Variants in CFAP20DC observed in about 807,000 individuals in gnomAD.
The protein encoded by CFAP20DC is protein CFAP20DC.
Under a neutral mutation model 101.7 loss-of-function variants are expected in CFAP20DC, and 84 were observed. The ratio of observed to expected loss-of-function variants is 0.83; its 90% confidence interval spans 0.69 to 0.99. The LOEUF is 0.99. CFAP20DC is among the 50% of genes least tolerant of loss of function. CFAP20DC has a pLI of 0.00. For synonymous variants in CFAP20DC, 359 were observed against 351.2 expected, an observed-to-expected ratio of 1.02 and a Z score of -0.25; for missense variants, 1,007 against 970.3, an observed-to-expected ratio of 1.04 and a Z score of -0.50.
At chr3:58,910,226 A>C (rs1026105863) in intron 6 of CFAP20DC, among the ~76,000 whole-genome samples, 4 of 151,822 alleles carry the variant, frequency 2.6e-5, no homozygotes, top group Non-Finnish European at 5.9e-5. Flanking sequence ...CCTGGATGAA[A>C]TTTTCTGTTT....
intron 4 of CFAP20DC, among the ~76,000 whole-genome samples, chr3:59,038,315 A>C (rs960173452): frequency 1.3e-5 from 2 of 152,256 alleles, no homozygotes; most frequent in South Asian, 4.2e-4. Flanking sequence ...AAAAAGAAGA[A>C]TGTGAAGAAA....
intron 16 of CFAP20DC, among the ~76,000 whole-genome samples, chr3:58,747,556 G>T (rs747169191): frequency 6.6e-6 from 1 of 152,050 alleles, no homozygotes; most frequent in Admixed American, 6.6e-5. Flanking sequence ...TGACACTGCC[G>T]TCTACATTTT....
intron 15 of CFAP20DC, among the ~76,000 whole-genome samples, chr3:58,769,632 A>G (rs1028974490): frequency 3.3e-5 from 5 of 152,000 alleles, no homozygotes; most frequent in Non-Finnish European, 7.4e-5. Flanking sequence ...GAATAACAGG[A>G]GCTGAAAAGG....
intron 14 of CFAP20DC, among the ~76,000 whole-genome samples, chr3:58,817,686 G>T (rs1236861361): frequency 2.0e-5 from 3 of 149,022 alleles, no homozygotes; most frequent in Non-Finnish European, 4.5e-5. Context: ...AAAGTGATGG[G>T]GAGAATGGAA....
chr3:58,822,393 C>T (rs1175379312), intron 14 of CFAP20DC, among the ~76,000 whole-genome samples: 2 of 148,178 alleles, frequency 1.3e-5, no homozygotes, highest in Admixed American at 6.8e-5. Flanking sequence ...ACAATGAGAT[C>T]ACATGGACAC....
intron 14 of CFAP20DC, among the ~76,000 whole-genome samples, chr3:58,813,640 T>C (rs769401081): frequency 6.6e-6 from 1 of 151,900 alleles, no homozygotes; most frequent in South Asian, 2.1e-4. Context: ...ATGATGTAGG[T>C]GATGGGAATT....
At chr3:58,974,130 G>T (rs1023498068) in intron 4 of CFAP20DC, among the ~76,000 whole-genome samples, 1 of 152,138 alleles carries the variant, frequency 6.6e-6, no homozygotes, top group African/African-American at 2.4e-5. Flanking sequence ...TGTTTTGGGG[G>T]TACATGTGAA....
downstream of CFAP20DC, chr3:58,737,268 C>T (rs770295222): frequency 1.0e-4 from 47 of 456,100 alleles, no homozygotes; most frequent in Non-Finnish European, 1.9e-4. The surrounding 1 kb of genome is among the most constrained non-coding windows in gnomAD (Gnocchi z 4.1). Context: ...ACACAAAATT[C>T]CACTAACCAC....
rs990641232 is a variant in CFAP20DC at position 58,806,416 on chromosome 3, G to C, written c.2216C>G (p.Pro739Arg). 2.5e-6 allele frequency: 4 copies of C among 1,609,048 alleles called. No individual in the cohort carries two copies. In the Admixed American group the frequency reaches 6.7e-5, roughly 27 times the overall value. Residue 739 changes from proline (P) to arginine (R), a missense_variant, in exon 15 of 17, where the codon CCA becomes CGA. Physicochemically the swap from Pro to Arg is moderately radical, Grantham distance 103. Coordinates refer to ENST00000482387, the MANE Select transcript of CFAP20DC (RefSeq NM_001394063.1). ...TTACCGGGGATTAGAAGGAGAAGGTGGGTTCATTTCTTTCTGATAGTGGCG... is the reference window on the plus strand; with the variant it reads ...TTACCGGGGATTAGAAGGAGAAGGTCGGTTCATTTCTTTCTGATAGTGGCG... The part of the protein sequence containing the change: ...QGRHYQKEMN[P>R]PSPSNPRDWL...
chr3:58,774,023 A>T (rs2071094519), intron 15 of CFAP20DC, among the ~76,000 whole-genome samples: 1 of 151,916 alleles, frequency 6.6e-6, no homozygotes, highest in Non-Finnish European at 1.5e-5. Flanking sequence ...TGGAGGATAA[A>T]AGGTCTAAAC....
Position 58,863,900 on chromosome 3 carries a change from T to C in CFAP20DC, c.1259-8A>G, listed in dbSNP as rs765796909. On this transcript the variant is annotated splice_region_variant and splice_polypyrimidine_tract_variant and intron_variant, in intron 11 of 16. Transcript: ENST00000482387. This position sits in a 1 kb window ranked among gnomAD's most constrained non-coding sequence, Gnocchi z 5.9. ...CAGGAAAAATCCACTCATCTGACAG[T>C]TGGAAAAGATGACAAAAATTAGAGC... 1 of 1,592,430 alleles carries C rather than the reference T, an allele frequency of 6.3e-7. No homozygotes were observed. Among genetic ancestry groups the C allele is most frequent in the South Asian group, 1.1e-5 (1 of 87,852 alleles).
chr3:58,851,237 G>A (rs758018545), intron 12 of CFAP20DC, among the ~76,000 whole-genome samples: 8 of 152,144 alleles, frequency 5.3e-5, no homozygotes, highest in Admixed American at 2.0e-4. Flanking sequence ...ATGGGTATAC[G>A]TTTATGGATA....
chr3:58,936,164 C>A (rs2087570131), intron 5 of CFAP20DC, among the ~76,000 whole-genome samples: 2 of 152,084 alleles, frequency 1.3e-5, no homozygotes, highest in African/African-American at 4.8e-5. Flanking sequence ...CCAAAACACA[C>A]ATGAAAAAAT....
intron 14 of CFAP20DC, among the ~76,000 whole-genome samples, chr3:58,816,131 C>T (rs1486524491): frequency 1.3e-5 from 2 of 151,704 alleles, no homozygotes; most frequent in Non-Finnish European, 2.9e-5. Flanking sequence ...CAATGATAGA[C>T]TGGATTAAGA....
intron 16 of CFAP20DC, 43 bp from the exon 17 acceptor site, chr3:58,742,615 G>A: frequency 6.8e-7 from 1 of 1,477,198 alleles, no homozygotes; most frequent in Non-Finnish European, 9.3e-7. Flanking sequence ...TGTTGGCTTG[G>A]CCCGGAATCC....
chr3:58,999,015 A>G (rs1447873690), intron 4 of CFAP20DC, among the ~76,000 whole-genome samples: 1 of 152,338 alleles, frequency 6.6e-6, no homozygotes, highest in East Asian at 1.9e-4. Context: ...CATCATCTTC[A>G]CTGATGAGGA....
intron 15 of CFAP20DC, among the ~76,000 whole-genome samples, chr3:58,771,765 T>C (rs2070870098): frequency 6.6e-6 from 1 of 152,138 alleles, no homozygotes; most frequent in Admixed American, 6.6e-5. Flanking sequence ...CTTCCATTAG[T>C]TTTCCCCATA....
rs190436036 is a variant in CFAP20DC, at chr3:58,966,534, A to C, written c.279-28772T>G. Among the ~76,000 whole-genome samples the C allele has an allele frequency of 1.3e-3, 188 of 147,978 alleles. 4 individuals are homozygous for C. In the East Asian group the frequency reaches 0.032, roughly 26 times the overall value. On this transcript the variant is annotated intron_variant, in intron 4 of 16. Transcript: ENST00000482387. The stretch of plus-strand genomic sequence containing the variant: ...TGTATATATATAAATATATATATAT[A>C]TTTTTTTTAGACAGAGTCTCACTCT...
chr3:58,842,945 T>C (rs1355749402), intron 13 of CFAP20DC, among the ~76,000 whole-genome samples: 1 of 152,168 alleles, frequency 6.6e-6, no homozygotes, highest in South Asian at 2.1e-4. Flanking sequence ...GACCTGCAGC[T>C]GAGGGTCCTG....
Sources: gnomAD v4.1 joint callset for allele counts (sites outside exome capture counted in the v4.1 genomes callset) on GRCh38, gnomAD v4.1.1 for gene constraint, Gnocchi (gnomAD v3.1) non-coding constraint, MANE v1.5 for transcripts, NCBI Gene and HGNC (gene_info 2026-07-23, HGNC 2026-07-21) for gene names.